Variants in FSTL5 observed in about 807,000 individuals in gnomAD.
The protein encoded by FSTL5 is follistatin like 5.
Under a neutral mutation model 89.1 loss-of-function variants are expected in FSTL5, and 62 were observed. That is an observed-to-expected ratio of 0.70 (90% CI 0.57 to 0.86). FSTL5 has a LOEUF of 0.86. Ranked by LOEUF, FSTL5 falls within the 40% of genes least tolerant of loss-of-function variation. FSTL5 has a pLI of 0.00. For synonymous variants in FSTL5, 383 were observed against 346.2 expected, an observed-to-expected ratio of 1.11 and a Z score of -1.18; for missense variants, 1,057 against 1,001.6, an observed-to-expected ratio of 1.06 and a Z score of -0.75.
chr4:161,722,891 G>A (rs776241272), intron 6 of FSTL5, among the ~76,000 whole-genome samples: 14 of 152,100 alleles, frequency 9.2e-5, no homozygotes, highest in Admixed American at 3.9e-4. Context: ...AATAACTATT[G>A]TTGAAATATG....
At chr4:162,153,758 A>ACG (rs1554004005) in intron 1 of FSTL5, among the ~76,000 whole-genome samples, 14 of 109,944 alleles carry the variant, frequency 1.3e-4, no homozygotes, top group African/African-American at 3.9e-4. Context: ...ATACATGTAT[A>ACG]TATACATGTA....
chr4:161,547,723 T>C (rs1013058047), intron 8 of FSTL5, among the ~76,000 whole-genome samples: 1 of 151,910 alleles, frequency 6.6e-6, no homozygotes, highest in Non-Finnish European at 1.5e-5. Flanking sequence ...CATTTACCTT[T>C]GGAAAACAAA....
intron 3 of FSTL5, among the ~76,000 whole-genome samples, chr4:162,031,377 A>G (rs1003930152): frequency 4.6e-5 from 7 of 152,208 alleles, no homozygotes; most frequent in African/African-American, 7.2e-5. Flanking sequence ...ACATTTCAAT[A>G]ATTAGTAATC....
intron 7 of FSTL5, among the ~76,000 whole-genome samples, chr4:161,637,966 T>A (rs1396722308): frequency 1.3e-5 from 2 of 151,390 alleles, no homozygotes; most frequent in African/African-American, 4.9e-5. Flanking sequence ...TGGTTCCATA[T>A]GAACTTTAAA....
In FSTL5 at chr4:161,652,677, A is replaced by C. The variant is rs138136303; in HGVS notation, c.894+3651T>G. Among the ~76,000 whole-genome samples, 913 of 152,250 alleles carry C rather than the reference A, an allele frequency of 6.0e-3. 9 individuals are homozygous for C. The highest frequency in any genetic ancestry group is 0.046 in the South Asian group (221 of 4,832). On this transcript the variant is annotated intron_variant, in intron 7 of 15. Coordinates refer to ENST00000306100, the MANE Select transcript of FSTL5 (RefSeq NM_020116.5). ...TATATTTTAATTAAATATAGCAAATATAAAAATGAGGGGATACAAAAATGA... is the reference window on the plus strand; with the variant it reads ...TATATTTTAATTAAATATAGCAAATCTAAAAATGAGGGGATACAAAAATGA...
At chr4:162,021,559 T>G (rs887648164) in intron 3 of FSTL5, among the ~76,000 whole-genome samples, 1 of 151,984 alleles carries the variant, frequency 6.6e-6, no homozygotes, top group Non-Finnish European at 1.5e-5. Context: ...AAAACACAAA[T>G]ACACACACAA....
intron 3 of FSTL5, among the ~76,000 whole-genome samples, chr4:161,928,690 CAT>C (rs969954610): frequency 2.2e-4 from 33 of 151,786 alleles, no homozygotes; most frequent in African/African-American, 7.0e-4. Flanking sequence ...AGCGTATTTT[CAT>C]ATGTTTGTTT....
At chr4:161,781,271 T>A (rs11721781) in intron 4 of FSTL5, among the ~76,000 whole-genome samples, 39,691 of 151,690 alleles carry the variant, frequency 0.26, 6,287 homozygotes, top group East Asian at 0.53. Flanking sequence ...TTATAAGTAG[T>A]GAAACTATGT....
At chr4:161,615,293 CAAAAA>C (rs1203046031) in intron 7 of FSTL5, among the ~76,000 whole-genome samples, 26 of 26,464 alleles carry the variant, frequency 9.8e-4, no homozygotes, top group Non-Finnish European at 1.5e-3. Context: ...GACTCTGTCT[CAAAAA>C]AAAAAAAAAA....
rs554189643 is a variant in FSTL5, at chr4:161,910,836, A to G, written c.409+9568T>C. 1.6e-4 allele frequency among the ~76,000 whole-genome samples: 24 copies of G among 152,316 alleles called. No homozygotes were observed. The South Asian group carries it at 2.7e-3, about 17-fold the overall frequency. On this transcript the variant is annotated intron_variant, in intron 4 of 15. Transcript: ENST00000306100. ...ATTTTTTCCACTTAACTGGACTACA[A>G]GTAAAAACATTTTATTTATTTTTCT...
In FSTL5 at chr4:161,579,410, G is replaced by T. The variant is rs1288598921; in HGVS notation, c.1015+8045C>A. Among the ~76,000 whole-genome samples the T allele has an allele frequency of 7.9e-5, 12 of 152,038 alleles. No homozygotes were observed. The East Asian group carries it at 2.3e-3, about 29-fold the overall frequency. ...GTACACCAGAAGTCAGTACAAAAAA[G>T]GAAATATTGAATAAAGAATGAATGA... is the stretch of plus-strand genomic sequence containing the variant. On this transcript the variant is annotated intron_variant, in intron 8 of 15. Transcript: ENST00000306100.
At chr4:161,452,087 A>G (rs1733186653) in intron 15 of FSTL5, among the ~76,000 whole-genome samples, 1 of 152,212 alleles carries the variant, frequency 6.6e-6, no homozygotes. Flanking sequence ...ATTGAGCCCA[A>G]CAGTTAGAAT....
chr4:162,117,949 T>C (rs1253416469), intron 1 of FSTL5, among the ~76,000 whole-genome samples: 2 of 152,356 alleles, frequency 1.3e-5, no homozygotes, highest in Middle Eastern at 3.4e-3. Context: ...TTTGTTTGAA[T>C]TGACAAGTGA....
chr4:161,530,670 A>G (rs2126529556), intron 10 of FSTL5, among the ~76,000 whole-genome samples: 1 of 152,056 alleles, frequency 6.6e-6, no homozygotes, highest in East Asian at 1.9e-4. Context: ...AGACCGTAAA[A>G]TTCTATTATA....
chr4:161,900,568 G>A (rs1363378537), intron 4 of FSTL5, among the ~76,000 whole-genome samples: 4 of 148,050 alleles, frequency 2.7e-5, no homozygotes, highest in Middle Eastern at 3.4e-3. Context: ...GAACCCGGGA[G>A]GCGGAGGTTG....
chr4:161,992,717 G>A (rs1463762835), intron 3 of FSTL5, among the ~76,000 whole-genome samples: 1 of 150,358 alleles, frequency 6.7e-6, no homozygotes. Flanking sequence ...GGTGGTGCGC[G>A]CCTGCAATCC....
chr4:161,680,341 C>A (rs1737472573), intron 6 of FSTL5, among the ~76,000 whole-genome samples: 1 of 151,852 alleles, frequency 6.6e-6, no homozygotes, highest in African/African-American at 2.4e-5. Context: ...TTGTCTCAAT[C>A]TAAGCTATTC....
chr4:161,953,532 A>AAT (rs564812676), intron 3 of FSTL5, among the ~76,000 whole-genome samples: 1 of 151,792 alleles, frequency 6.6e-6, no homozygotes, highest in South Asian at 2.1e-4. Context: ...TATGCAACCA[A>AAT]ATATAAACTC....
intron 2 of FSTL5, among the ~76,000 whole-genome samples, chr4:162,048,058 G>A (rs916215872): frequency 7.9e-5 from 12 of 151,864 alleles, no homozygotes; most frequent in African/African-American, 2.9e-4. Flanking sequence ...CAGGTGTGGC[G>A]GGTCACGCCT....
Sources: allele counts gnomAD v4.1 joint callset (sites outside exome capture counted in the v4.1 genomes callset), GRCh38; gene constraint gnomAD v4.1.1; transcripts MANE v1.5; gene names NCBI Gene and HGNC (gene_info 2026-07-23, HGNC 2026-07-21).